BRSK2: variants seen among roughly 807,000 people sequenced by gnomAD.
BRSK2 encodes serine/threonine-protein kinase BRSK2.
A neutral mutation model predicts 83.3 loss-of-function variants in BRSK2; 19 were observed. That is an observed-to-expected ratio of 0.23 (90% CI 0.16 to 0.33). The LOEUF (loss-of-function observed/expected upper bound fraction) is 0.33. Among genes scored for constraint, BRSK2 ranks in the 10% least tolerant of loss-of-function variants. The pLI is 1.00. For synonymous variants in BRSK2, 519 were observed against 435.4 expected, an observed-to-expected ratio of 1.19 and a Z score of -2.39; for missense variants, 798 against 1,042.3, an observed-to-expected ratio of 0.77 and a Z score of 3.23.
intron 1 of BRSK2, among the ~76,000 whole-genome samples, chr11:1,433,767 C>T (rs1040365672): frequency 6.6e-6 from 1 of 152,266 alleles, no homozygotes; most frequent in Non-Finnish European, 1.5e-5. Flanking sequence ...GGATCAAAGG[C>T]CTTCAGGGAG....
chr11:1,401,255 C>T (rs780716308), intron 1 of BRSK2, among the ~76,000 whole-genome samples: 5 of 152,250 alleles, frequency 3.3e-5, no homozygotes, highest in South Asian at 2.1e-4. Context: ...ACACCTCACC[C>T]GTGAGCAACT....
intron 2 of BRSK2, among the ~76,000 whole-genome samples, chr11:1,436,518 C>T (rs368602132): frequency 2.6e-5 from 4 of 152,202 alleles, no homozygotes; most frequent in Non-Finnish European, 5.9e-5. Context: ...CAGAGGGGAG[C>T]TGCACCTTCC....
In BRSK2 at chr11:1,460,624, C is replaced by T. The variant is rs950898482; in HGVS notation, c.2112C>T (p.Ser704=). 16 of 1,530,210 alleles carry T rather than the reference C, an allele frequency of 1.0e-5. No individual in the cohort carries two copies. Among genetic ancestry groups the T allele is most frequent in the East Asian group, 4.9e-5 (2 of 40,658 alleles). 94.8% of individuals were successfully genotyped at this position (1,530,210 alleles called of 1,614,324 possible). ...GTGCCCACGGCCCACTCGGTGACTC[C>T]GCGGCCGCTGGCCCTGGCCCCGGAG... The part of the protein sequence containing the change: ...KRSAHGPLGD[S]AAAGPGPGGD... The change falls in exon 20 of 20, where the codon TCC becomes TCT. Residue 704 remains serine, a synonymous_variant. Transcript: ENST00000528841.
chr11:1,397,453 T>C (rs1472358004), intron 1 of BRSK2, among the ~76,000 whole-genome samples: 3 of 152,154 alleles, frequency 2.0e-5, no homozygotes, highest in African/African-American at 7.2e-5. Flanking sequence ...CTCCCGAAAG[T>C]CCTGCTGTTA....
intron 1 of BRSK2, among the ~76,000 whole-genome samples, chr11:1,422,927 G>C (rs1848774018): frequency 6.6e-6 from 1 of 152,220 alleles, no homozygotes; most frequent in Admixed American, 6.5e-5. Context: ...GTGTCCGGAG[G>C]ATGGACCTCG....
chr11:1,407,786 C>CGCCGCCTCCAGGCAGGT (rs1191300885), intron 1 of BRSK2, among the ~76,000 whole-genome samples: 1 of 152,254 alleles, frequency 6.6e-6, no homozygotes, highest in Non-Finnish European at 1.5e-5. Flanking sequence ...GATTGGGTCC[C>CGCCGCCTCCAGGCAGGT]GCCGCCTCCA....
intron 1 of BRSK2, among the ~76,000 whole-genome samples, chr11:1,427,579 C>T (rs1025089520): frequency 6.6e-6 from 1 of 152,184 alleles, no homozygotes; most frequent in East Asian, 1.9e-4. Context: ...GGGCACCCGC[C>T]GGCACACGCT....
At chr11:1,447,953 G>A in intron 12 of BRSK2, 1 of 1,272,634 alleles carries the variant, frequency 7.9e-7, no homozygotes, top group Non-Finnish European at 1.1e-6. Flanking sequence ...CGGGTCTGGT[G>A]GCGGGCTGGG....
rs777430023 is a variant in BRSK2, at chr11:1,456,593, C to T, written c.1850-5C>T. On this transcript the variant is annotated splice_region_variant and splice_polypyrimidine_tract_variant and intron_variant, in intron 17 of 19. Coordinates refer to ENST00000528841, the MANE Select transcript of BRSK2 (RefSeq NM_001256627.2). Reference sequence around the variant, plus strand: ...GTCCAGGGCATAACCCCCTGTCTCCCCTAGGCCCCAGCCGTCGCTTCAAGA... The same window carrying T: ...GTCCAGGGCATAACCCCCTGTCTCCTCTAGGCCCCAGCCGTCGCTTCAAGA... 1 of 1,610,142 alleles carries T rather than the reference C, an allele frequency of 6.2e-7. No individual in the cohort carries two copies. Among genetic ancestry groups the T allele is most frequent in the Non-Finnish European group, 8.5e-7 (1 of 1,178,942 alleles).
At chr11:1,409,847 G>C (rs1412611826) in intron 1 of BRSK2, 1 of 152,172 alleles carries the variant, frequency 6.6e-6, no homozygotes, top group Non-Finnish European at 1.5e-5. Flanking sequence ...AGAGGGAAGA[G>C]CCCTGCGTGC....
rs969673759 is a variant in BRSK2 at position 1,416,369 on chromosome 11, T to A, written c.92-19671T>A. Among the ~76,000 whole-genome samples the A allele has an allele frequency of 2.6e-5, 4 of 152,212 alleles. No individual in the cohort carries two copies. In the East Asian group the frequency reaches 7.7e-4, roughly 29 times the overall value. On this transcript the variant is annotated intron_variant, in intron 1 of 19. Transcript: ENST00000528841. Reference sequence around the variant, plus strand: ...GTGTCACGTCCGCAAAATCCGCTGTTTTGCAGGGTCAGTCTTCGAGAAATG... The same window carrying A: ...GTGTCACGTCCGCAAAATCCGCTGTATTGCAGGGTCAGTCTTCGAGAAATG...
At chr11:1,392,363 CAG>C (rs908608240) in intron 1 of BRSK2, among the ~76,000 whole-genome samples, 3 of 152,240 alleles carry the variant, frequency 2.0e-5, no homozygotes, top group Non-Finnish European at 4.4e-5. Flanking sequence ...GACCTGGCCA[CAG>C]GGGAGCTGTG....
At chr11:1,460,413 T>TGTGGTTGG in intron 19 of BRSK2, 87 bp from the exon 20 acceptor site, 1 of 955,372 alleles carries the variant, frequency 1.0e-6, no homozygotes, top group Non-Finnish European at 1.4e-6. Flanking sequence ...TCTCTTTCTC[T>TGTGGTTGG]CTCCTTCCCT....
chr11:1,425,516 CGCCTCA>C (rs1849113604), intron 1 of BRSK2, among the ~76,000 whole-genome samples: 1 of 152,168 alleles, frequency 6.6e-6, no homozygotes, highest in Non-Finnish European at 1.5e-5. Flanking sequence ...CTCTGGGAGC[CGCCTCA>C]GTGGGGTGGA....
At chr11:1,417,415 C>T (rs970166201) in intron 1 of BRSK2, among the ~76,000 whole-genome samples, 3 of 152,232 alleles carry the variant, frequency 2.0e-5, no homozygotes, top group African/African-American at 7.2e-5. Flanking sequence ...TCTTTTTCTC[C>T]AATGAAATAT....
Position 1,390,649 on chromosome 11 carries a change from C to A in BRSK2, c.91+274C>A, listed in dbSNP as rs1465575116. 6.8e-6 allele frequency among the ~76,000 whole-genome samples: 1 copy of A among 147,948 alleles called. No individual in the cohort carries two copies. The highest frequency in any genetic ancestry group is 1.5e-5 in the Non-Finnish European group (1 of 66,452). ...GCGGACAGGGGCGCACGGGACGGCG[C>A]CCCTCGGGCCCCGCTGCAGGTGCGC... On this transcript the variant is annotated intron_variant, in intron 1 of 19. Coordinates refer to ENST00000528841, the MANE Select transcript of BRSK2 (RefSeq NM_001256627.2). This position sits in a 1 kb window ranked among gnomAD's most constrained non-coding sequence, Gnocchi z 6.8.
intron 16 of BRSK2, among the ~76,000 whole-genome samples, chr11:1,455,802 G>A (rs1443127465): frequency 3.3e-5 from 5 of 152,032 alleles, no homozygotes; most frequent in Non-Finnish European, 1.5e-5. Flanking sequence ...GGCCCTGTGC[G>A]CTGGGTGGCC....
At chr11:1,425,241 G>T (rs1849080648) in intron 1 of BRSK2, among the ~76,000 whole-genome samples, 1 of 152,212 alleles carries the variant, frequency 6.6e-6, no homozygotes, top group Non-Finnish European at 1.5e-5. Flanking sequence ...CTCTCAGGTG[G>T]CTCTGGTGAA....
chr11:1,440,432 G>A (rs371098682), intron 3 of BRSK2, among the ~76,000 whole-genome samples: 4 of 152,162 alleles, frequency 2.6e-5, no homozygotes, highest in South Asian at 4.2e-4. Context: ...GCAGAGTCCC[G>A]AGGCTACCCC....
Sources: gnomAD v4.1 joint callset for allele counts (sites outside exome capture counted in the v4.1 genomes callset) on GRCh38, gnomAD v4.1.1 for gene constraint, Gnocchi (gnomAD v3.1) non-coding constraint, MANE v1.5 for transcripts, NCBI Gene and HGNC (gene_info 2026-07-23, HGNC 2026-07-21) for gene names.